The following ARSG variants were observed in gnomAD, a reference collection of about 807,000 sequenced individuals.
ARSG encodes ASG.
ARSG carries 37 observed loss-of-function variants against 50.5 expected under a neutral mutation model. That is an observed-to-expected ratio of 0.73 (90% CI 0.56 to 0.96). The LOEUF (loss-of-function observed/expected upper bound fraction) is 0.96, where lower values mean the gene tolerates loss of function less well. Ranked by LOEUF, ARSG falls within the 50% of genes least tolerant of loss-of-function variation. The pLI, the probability that ARSG is intolerant of heterozygous loss-of-function variation, is 0.00. For synonymous variants in ARSG, 225 were observed against 254.6 expected (o/e 0.88, Z 1.11); for missense variants, 629 against 675.3 (o/e 0.93, Z 0.76).
chr17:68,424,295 G>A (rs550252218), downstream of ARSG, among the ~76,000 whole-genome samples: 4 of 152,264 alleles, frequency 2.6e-5, no homozygotes, highest in South Asian at 2.1e-4. Flanking sequence ...CGCTGCGACC[G>A]ACCCGCAGAG....
At chr17:68,370,601 G>C in intron 8 of ARSG, 77 bp downstream of exon 8, 1 of 1,352,948 alleles carries the variant, frequency 7.4e-7, no homozygotes, top group Non-Finnish European at 1.0e-6. Context: ...CTGCCTCCGG[G>C]TGGGGGACAA....
chr17:68,313,728 G>A (rs2145719841), intron 2 of ARSG, among the ~76,000 whole-genome samples: 1 of 137,404 alleles, frequency 7.3e-6, no homozygotes, highest in Non-Finnish European at 1.5e-5. Flanking sequence ...TGCCCAGGCT[G>A]GAGTGCAGTG....
chr17:68,406,688 T>C (rs1317852844), intron 11 of ARSG, among the ~76,000 whole-genome samples: 3 of 152,206 alleles, frequency 2.0e-5, no homozygotes, highest in Non-Finnish European at 4.4e-5. Flanking sequence ...TTGAGGCTTG[T>C]CTATTCATGT....
At chr17:68,396,327 T>C (rs1035857750) in intron 10 of ARSG, among the ~76,000 whole-genome samples, 1 of 152,174 alleles carries the variant, frequency 6.6e-6, no homozygotes, top group African/African-American at 2.4e-5. Context: ...TGCAGCCTGT[T>C]CTTGACCAAG....
At chr17:68,362,229 C>T (rs1031130562) in intron 6 of ARSG, among the ~76,000 whole-genome samples, 1 of 151,884 alleles carries the variant, frequency 6.6e-6, no homozygotes, top group Admixed American at 6.6e-5. Context: ...TGGTGCTGCC[C>T]CCTCCTCATC....
intron 6 of ARSG, among the ~76,000 whole-genome samples, chr17:68,357,679 A>G (rs1289107339): frequency 6.6e-6 from 1 of 152,330 alleles, no homozygotes. Flanking sequence ...CAGATAGGTA[A>G]CCTTAAAGAG....
At chr17:68,431,707 G>A in the ARSG span, among the ~76,000 whole-genome samples, 10 of 8,780 alleles carry the variant, frequency 1.1e-3, no homozygotes, top group African/African-American at 5.3e-3. Flanking sequence ...CCTGGCCAGC[G>A]AAGCAGGGCT....
In ARSG at chr17:68,370,464, C is replaced by T. The variant is rs1266313425; in HGVS notation, c.922C>T (p.Gln308Ter). Residue 308 changes from glutamine to a stop codon, truncating the protein, a stop_gained, in exon 8 of 12, where the codon CAG becomes TAG. Coordinates refer to ENST00000621439, the MANE Select transcript of ARSG (RefSeq NM_001267727.2). LOFTEE classifies it high-confidence loss of function. ...WFTGDNGPWA[Q>*]KCELAGSVGP... is the part of the protein sequence containing the mutation. ...TCTAGGAGACAATGGCCCGTGGGCT[C>T]AGAAGTGTGAGCTAGCGGGCAGTGT... is the stretch of plus-strand genomic sequence containing the variant. The T allele has an allele frequency of 1.9e-6, 3 of 1,613,932 alleles. No individual in the cohort carries two copies. In the African/African-American group the frequency reaches 4.0e-5, roughly 22 times the overall value.
chr17:68,306,089 G>C (rs868972152), intron 1 of ARSG, among the ~76,000 whole-genome samples: 22 of 151,542 alleles, frequency 1.5e-4, no homozygotes, highest in African/African-American at 5.3e-4. Flanking sequence ...CGCAATCTCT[G>C]CCTCCTGGGT....
At chr17:68,442,888 A>C in the ARSG span, among the ~76,000 whole-genome samples, 3 of 152,142 alleles carry the variant, frequency 2.0e-5, no homozygotes, top group Non-Finnish European at 4.4e-5. Flanking sequence ...TCCTGGTATG[A>C]GGTTGCCTAA....
intron 1 of ARSG, among the ~76,000 whole-genome samples, chr17:68,299,587 A>G (rs1011336142): frequency 1.3e-5 from 2 of 152,214 alleles, no homozygotes; most frequent in Non-Finnish European, 2.9e-5. Flanking sequence ...GGATACAATC[A>G]GCTAAATCCA....
chr17:68,295,534 T>G (rs1424610581), intron 1 of ARSG, among the ~76,000 whole-genome samples: 5 of 151,982 alleles, frequency 3.3e-5, no homozygotes, highest in Non-Finnish European at 5.9e-5. Context: ...TCAAGCCTGT[T>G]GCAAAAGTCC....
intron 6 of ARSG, among the ~76,000 whole-genome samples, chr17:68,360,493 A>G (rs1465848943): frequency 6.6e-6 from 1 of 152,088 alleles, no homozygotes. Context: ...TTGGGTCTTT[A>G]GTTGGCTTTA....
At chr17:68,335,938 A>T (rs534519658) in intron 2 of ARSG, among the ~76,000 whole-genome samples, 1 of 152,256 alleles carries the variant, frequency 6.6e-6, no homozygotes, top group East Asian at 1.9e-4. Flanking sequence ...TCACTCTGCC[A>T]CCCAGGCTGG....
At chr17:68,430,217 A>T in the ARSG span, 1 of 1,540,384 alleles carries the variant, frequency 6.5e-7, no homozygotes, top group Non-Finnish European at 8.8e-7. Context: ...ACACGCACCC[A>T]GGAATCTCCA....
Position 68,368,623 on chromosome 17 carries a change from A to G in ARSG, c.780A>G (p.Pro260=), listed in dbSNP as rs1346076692. 1 of 1,614,110 alleles carries G rather than the reference A, an allele frequency of 6.2e-7. No individual in the cohort carries two copies. The highest frequency in any genetic ancestry group is 8.5e-7 in the Non-Finnish European group (1 of 1,180,038). Residue 260 remains proline (P), a synonymous_variant, in exon 7 of 12, where the codon CCA becomes CCG. Transcript: ENST00000621439. ...MHVPLPVTQL[P]AAPRGRSLYG... ...TGCCCTTACCTGTGACTCAGCTACCAGCAGCGCCACGGGGCAGAAGCCTGT... is the reference window on the plus strand; with the variant it reads ...TGCCCTTACCTGTGACTCAGCTACCGGCAGCGCCACGGGGCAGAAGCCTGT...
chr17:68,426,814 T>C (rs2011143), downstream of ARSG, among the ~76,000 whole-genome samples: 122,975 of 152,180 alleles, frequency 0.81, 49,864 homozygotes, highest in African/African-American at 0.87. Context: ...GGATTACAGG[T>C]GTGAGCCAAT....
At chr17:68,410,479 G>GATC (rs1400993591) in intron 11 of ARSG, among the ~76,000 whole-genome samples, 1 of 150,906 alleles carries the variant, frequency 6.6e-6, no homozygotes, top group Non-Finnish European at 1.5e-5. Flanking sequence ...AAGCCCACTT[G>GATC]ATCATGGTGG....
the ARSG span, chr17:68,441,030 C>G: frequency 6.6e-6 from 1 of 152,166 alleles, no homozygotes; most frequent in South Asian, 2.1e-4. Flanking sequence ...ATGAACTGTT[C>G]AATGATCTGC....
Sources: allele counts gnomAD v4.1 joint callset (sites outside exome capture counted in the v4.1 genomes callset), GRCh38; gene constraint gnomAD v4.1.1; transcripts MANE v1.5; gene names NCBI Gene and HGNC (gene_info 2026-07-23, HGNC 2026-07-21).